The following UBE3D variants were observed in gnomAD, a reference collection of about 807,000 sequenced individuals.
UBE3D encodes the protein ubiquitin protein ligase E3D, also known as E3 ubiquitin-protein ligase E3D.
A neutral mutation model predicts 49.6 loss-of-function variants in UBE3D; 48 were observed. The observed-to-expected ratio is 0.97, with a 90% CI of 0.77 to 1.23. UBE3D has a LOEUF of 1.23. Ranked by LOEUF, UBE3D falls within the 50% of genes most tolerant of loss-of-function variation. UBE3D has a pLI of 0.00. For synonymous variants in UBE3D, 189 were observed against 174.2 expected (o/e 1.08, Z -0.67); for missense variants, 452 against 468.4 (o/e 0.96, Z 0.32).
At chr6:83,061,428 T>C (rs1784162579) in intron 1 of UBE3D, among the ~76,000 whole-genome samples, 1 of 152,258 alleles carries the variant, frequency 6.6e-6, no homozygotes, top group Admixed American at 6.5e-5. Flanking sequence ...GATGGTTCTT[T>C]AGGAGAATTC....
downstream of UBE3D, among the ~76,000 whole-genome samples, chr6:82,890,558 CT>C (rs1351986324): frequency 1.3e-5 from 2 of 152,166 alleles, no homozygotes. Context: ...TGCCAGAAAC[CT>C]GCCCTTTGTG....
intron 8 of UBE3D, among the ~76,000 whole-genome samples, chr6:82,968,618 T>C (rs937407081): frequency 7.9e-5 from 12 of 152,188 alleles, no homozygotes; most frequent in Non-Finnish European, 1.3e-4. Context: ...TTAATTTTAA[T>C]AGATATTTCT....
chr6:83,001,662 G>A (rs1271505015), intron 8 of UBE3D, among the ~76,000 whole-genome samples: 1 of 150,634 alleles, frequency 6.6e-6, no homozygotes, highest in Non-Finnish European at 1.5e-5. Flanking sequence ...GAAGCTTGAA[G>A]CCACTCCATC....
At chr6:83,034,892 A>T (rs1782134921) in intron 5 of UBE3D, among the ~76,000 whole-genome samples, 2 of 152,160 alleles carry the variant, frequency 1.3e-5, no homozygotes, top group African/African-American at 4.8e-5. Context: ...AAAAAAAAGA[A>T]AAAAAATCAG....
At chr6:82,911,759 C>T (rs1364501314) in intron 9 of UBE3D, among the ~76,000 whole-genome samples, 1 of 152,092 alleles carries the variant, frequency 6.6e-6, no homozygotes, top group Non-Finnish European at 1.5e-5. Context: ...AGGGGATGTA[C>T]AGGATTAGGA....
chr6:82,966,051 A>G (rs1006793853), intron 8 of UBE3D, among the ~76,000 whole-genome samples: 20 of 152,236 alleles, frequency 1.3e-4, no homozygotes, highest in Non-Finnish European at 2.1e-4. Flanking sequence ...TTAGTGCTCA[A>G]ATATCCTCAA....
At chr6:83,017,238 G>A (rs572977515) in intron 8 of UBE3D, 11 of 152,126 alleles carry the variant, frequency 7.2e-5, no homozygotes, top group Non-Finnish European at 1.5e-4. Context: ...TACATAATGT[G>A]AAAACTAGTA....
chr6:83,055,658 T>C (rs934538404), intron 2 of UBE3D, among the ~76,000 whole-genome samples: 6 of 152,164 alleles, frequency 3.9e-5, no homozygotes, highest in African/African-American at 1.4e-4. Context: ...ATCTAATGCG[T>C]GTGCTCTAAT....
chr6:82,985,795 C>T (rs1309326076), intron 8 of UBE3D, among the ~76,000 whole-genome samples: 1 of 152,156 alleles, frequency 6.6e-6, no homozygotes, highest in African/African-American at 2.4e-5. Flanking sequence ...TACATTTCCT[C>T]ACTGTTTGAG....
chr6:83,021,016 T>C (rs1205757570), intron 7 of UBE3D, among the ~76,000 whole-genome samples: 1 of 152,202 alleles, frequency 6.6e-6, no homozygotes, highest in Non-Finnish European at 1.5e-5. Context: ...ACACTGTTTT[T>C]CAGAGGTAGT....
Position 82,920,554 on chromosome 6 carries a change from T to A in UBE3D, c.1150-27512A>T, listed in dbSNP as rs1323607618. Among the ~76,000 whole-genome samples the A allele has an allele frequency of 3.3e-5, 5 of 152,208 alleles. No homozygotes were observed. The East Asian group carries it at 9.6e-4, about 29-fold the overall frequency. On this transcript the variant is annotated intron_variant, in intron 9 of 9. Transcript: ENST00000369747. ...TGAATTACCTGTTCATTGTGTGACC[T>A]TGGGCAAGTGATATGAACCTCTCCA...
Position 82,892,997 on chromosome 6 carries a change from G to A in UBE3D, c.*25C>T, listed in dbSNP as rs780815393. On this transcript the variant is annotated 3_prime_UTR_variant, in exon 10 of 10. Coordinates refer to ENST00000369747, the MANE Select transcript of UBE3D (RefSeq NM_198920.3). The stretch of plus-strand genomic sequence containing the variant: ...TCCTGCTTGAGAGCTGTCTGCCGGG[G>A]GAGGAGAATGCCCAGCTCTAATAGT... 3.1e-6 allele frequency: 5 copies of A among 1,613,644 alleles called. No individual in the cohort carries two copies. The Admixed American group carries it at 8.3e-5, about 27-fold the overall frequency.
intron 9 of UBE3D, among the ~76,000 whole-genome samples, chr6:82,912,851 C>CT (rs1051066605): frequency 6.6e-6 from 1 of 151,980 alleles, no homozygotes; most frequent in East Asian, 1.9e-4. Context: ...AACAAACAAC[C>CT]TTTTTTTTAA....
chr6:82,925,795 G>A (rs944342117), intron 9 of UBE3D, among the ~76,000 whole-genome samples: 1 of 151,952 alleles, frequency 6.6e-6, no homozygotes, highest in African/African-American at 2.4e-5. Context: ...TCTAAAATAT[G>A]AGGATTAACA....
intron 8 of UBE3D, among the ~76,000 whole-genome samples, chr6:83,008,982 A>G (rs754141807): frequency 5.9e-5 from 9 of 152,200 alleles, no homozygotes; most frequent in Non-Finnish European, 1.2e-4. Flanking sequence ...TTTGGAGTTT[A>G]AAAAAACCTA....
intron 5 of UBE3D, among the ~76,000 whole-genome samples, chr6:83,027,237 A>G (rs180793430): frequency 6.6e-6 from 1 of 151,898 alleles, no homozygotes; most frequent in African/African-American, 2.4e-5. Context: ...GGAGTTCAAG[A>G]CCAGCCTGGC....
chr6:82,969,196 C>A (rs951854441), intron 8 of UBE3D, among the ~76,000 whole-genome samples: 1 of 115,784 alleles, frequency 8.6e-6, no homozygotes, highest in African/African-American at 3.5e-5. Flanking sequence ...ATGTAAAAAG[C>A]AAGAATCTCT....
At chr6:82,986,455 A>G (rs576556243) in intron 8 of UBE3D, among the ~76,000 whole-genome samples, 20 of 141,282 alleles carry the variant, frequency 1.4e-4, no homozygotes, top group Non-Finnish European at 1.8e-4. Flanking sequence ...TGGGTGACAG[A>G]GAAACACTCT....
chr6:82,932,023 T>C (rs1774196754), intron 9 of UBE3D, among the ~76,000 whole-genome samples: 2 of 151,946 alleles, frequency 1.3e-5, no homozygotes, highest in South Asian at 4.1e-4. Flanking sequence ...GATAAAATGG[T>C]TTTATAAGGG....
Sources: gnomAD v4.1 joint callset for allele counts (sites outside exome capture counted in the v4.1 genomes callset) on GRCh38, gnomAD v4.1.1 for gene constraint, MANE v1.5 for transcripts, NCBI Gene and HGNC (gene_info 2026-07-23, HGNC 2026-07-21) for gene names.